Variants in AQR observed in about 807,000 individuals in gnomAD.
AQR encodes aquarius intron-binding spliceosomal factor.
Under a neutral mutation model 180.5 loss-of-function variants are expected in AQR, and 61 were observed. That is an observed-to-expected ratio of 0.34 (90% CI 0.28 to 0.42). The LOEUF (loss-of-function observed/expected upper bound fraction) is 0.42, where lower values mean the gene tolerates loss of function less well. Ranked by LOEUF, AQR falls within the 10% of genes least tolerant of loss-of-function variation. The probability of loss-of-function intolerance (pLI) is 1.00; values close to 1 mark genes in which losing one functional copy is unlikely to be tolerated. For synonymous variants in AQR, 551 were observed against 588.8 expected (o/e 0.94, Z 0.93); for missense variants, 1,281 against 1,798.3 (o/e 0.71, Z 5.20).
At chr15:34,943,125 G>A in intron 6 of AQR, 1 of 1,611,652 alleles carries the variant, frequency 6.2e-7, no homozygotes. Context: ...TAAGAAGTGT[G>A]GCAAGCACCA....
chr15:34,936,551 A>T (rs1303213262), intron 9 of AQR, among the ~76,000 whole-genome samples: 1 of 152,058 alleles, frequency 6.6e-6, no homozygotes, highest in Non-Finnish European at 1.5e-5. Flanking sequence ...CCCCATCTCT[A>T]CTAAGAATAC....
intron 13 of AQR, 124 bp from the exon 14 acceptor site, chr15:34,920,558 A>C (rs577724381): frequency 1.4e-6 from 1 of 707,194 alleles, no homozygotes; most frequent in African/African-American, 1.8e-5. Flanking sequence ...CAAATATCAA[A>C]AACCAGCAAT....
chr15:34,967,844 G>T (rs1018677942), intron 1 of AQR, among the ~76,000 whole-genome samples: 1 of 151,900 alleles, frequency 6.6e-6, no homozygotes, highest in East Asian at 1.9e-4. Flanking sequence ...ACGGAGTTTT[G>T]CTCTTGTTGC....
chr15:34,905,625 G>A (rs1484413107), intron 18 of AQR, among the ~76,000 whole-genome samples: 2 of 150,386 alleles, frequency 1.3e-5, no homozygotes, highest in East Asian at 1.9e-4. Flanking sequence ...ATTTTCAAAC[G>A]CAGGACAGTA....
chr15:34,937,362 G>A (rs1363960693), intron 9 of AQR, among the ~76,000 whole-genome samples: 1 of 152,110 alleles, frequency 6.6e-6, no homozygotes, highest in Admixed American at 6.5e-5. Flanking sequence ...TAGTAGTACT[G>A]TGCCCTAAGT....
At chr15:34,938,710 A>G (rs770751422) in intron 9 of AQR, 27 bp downstream of exon 9, 14 of 1,366,498 alleles carry the variant, frequency 1.0e-5, no homozygotes, top group Admixed American at 5.7e-5. Context: ...ATAATTTCAC[A>G]AATGCACTGA....
chr15:34,902,077 A>T (rs1238578771), intron 19 of AQR, among the ~76,000 whole-genome samples: 1 of 152,198 alleles, frequency 6.6e-6, no homozygotes, highest in Non-Finnish European at 1.5e-5. Context: ...GGGGACACTT[A>T]ACATTAGGAA....
At chr15:34,924,819 C>T (rs888955577) in intron 13 of AQR, among the ~76,000 whole-genome samples, 2 of 150,496 alleles carry the variant, frequency 1.3e-5, no homozygotes, top group Non-Finnish European at 1.5e-5. Flanking sequence ...ATATAATACA[C>T]ATAAATGTTC....
intron 3 of AQR, among the ~76,000 whole-genome samples, chr15:34,955,584 T>G (rs1894299879): frequency 6.6e-6 from 1 of 152,130 alleles, no homozygotes; most frequent in Non-Finnish European, 1.5e-5. Flanking sequence ...AAGCAGATGA[T>G]TAAAACAACA....
At chr15:34,939,961 C>G (rs1177222024) in intron 8 of AQR, among the ~76,000 whole-genome samples, 1 of 152,144 alleles carries the variant, frequency 6.6e-6, no homozygotes, top group African/African-American at 2.4e-5. Context: ...ATTGTAGAAC[C>G]TACATCCTCA....
At chr15:34,934,927 T>C (rs1893923431) in intron 9 of AQR, among the ~76,000 whole-genome samples, 1 of 152,164 alleles carries the variant, frequency 6.6e-6, no homozygotes, top group Non-Finnish European at 1.5e-5. Flanking sequence ...TTTAAAAATC[T>C]GTATTAAATT....
intron 6 of AQR, among the ~76,000 whole-genome samples, chr15:34,942,661 T>C (rs1287751584): frequency 1.3e-5 from 2 of 152,198 alleles, no homozygotes; most frequent in Non-Finnish European, 2.9e-5. Flanking sequence ...AGTGAGTTCA[T>C]GGTTAATGAA....
chr15:34,864,167 T>C (rs913467305), intron 32 of AQR, among the ~76,000 whole-genome samples: 1 of 148,838 alleles, frequency 6.7e-6, no homozygotes, highest in Non-Finnish European at 1.5e-5. Context: ...CCTCATTTTT[T>C]ATGGTTTTTT....
At chr15:34,911,159 A>T (rs1180728838) in intron 16 of AQR, among the ~76,000 whole-genome samples, 1 of 152,174 alleles carries the variant, frequency 6.6e-6, no homozygotes, top group Non-Finnish European at 1.5e-5. Context: ...TTATATATGT[A>T]CACACACACC....
At chr15:34,909,884 A>G (rs553991759) in intron 17 of AQR, among the ~76,000 whole-genome samples, 1 of 152,308 alleles carries the variant, frequency 6.6e-6, no homozygotes, top group Admixed American at 6.5e-5. Context: ...TCAGTTTTCA[A>G]AACGTTGATA....
At chr15:34,922,382 T>A (rs1236280447) in intron 13 of AQR, among the ~76,000 whole-genome samples, 1 of 152,186 alleles carries the variant, frequency 6.6e-6, no homozygotes, top group Non-Finnish European at 1.5e-5. Flanking sequence ...CTTGAATATA[T>A]CTGTAAGTGG....
rs763399196 is a variant in AQR, at chr15:34,915,182, GA to G, written c.1343-4del. Reference sequence around the variant, plus strand: ...CAATTTGGGAAGAGCAAGACAACCTGAAAAGGAAAAAAACATCCATATTTCA... The same window carrying G: ...CAATTTGGGAAGAGCAAGACAACCTGAAAGGAAAAAAACATCCATATTTCA... On this transcript the variant is annotated splice_polypyrimidine_tract_variant and splice_region_variant and intron_variant, in intron 15 of 34. Coordinates refer to ENST00000156471, the MANE Select transcript of AQR (RefSeq NM_014691.3). The G allele has an allele frequency of 1.9e-6, 3 of 1,564,464 alleles. No homozygotes were observed.
chr15:34,876,242 TACA>T (rs1892888032), intron 27 of AQR, among the ~76,000 whole-genome samples: 1 of 152,208 alleles, frequency 6.6e-6, no homozygotes. Context: ...CGCCTAAATA[TACA>T]ACTTTACATT....
intron 28 of AQR, among the ~76,000 whole-genome samples, chr15:34,875,170 G>C (rs2140463424): frequency 6.6e-6 from 1 of 152,248 alleles, no homozygotes; most frequent in Middle Eastern, 3.4e-3. Flanking sequence ...CAGGCATTAG[G>C]TAACGAGCAC....
Sources: allele counts gnomAD v4.1 joint callset (sites outside exome capture counted in the v4.1 genomes callset), GRCh38; gene constraint gnomAD v4.1.1; transcripts MANE v1.5; gene names NCBI Gene and HGNC (gene_info 2026-07-23, HGNC 2026-07-21).